The following ATP13A4 variants were observed in gnomAD, a reference collection of about 807,000 sequenced individuals.
ATP13A4 encodes probable cation-transporting ATPase 13A4.
ATP13A4 carries 114 observed loss-of-function variants against 142.5 expected under a neutral mutation model. The ratio of observed to expected loss-of-function variants is 0.80; its 90% CI spans 0.69 to 0.93. The LOEUF is 0.93. Among genes scored for constraint, ATP13A4 ranks in the 40% least tolerant of loss-of-function variants. The probability of loss-of-function intolerance (pLI) is 0.00; values close to 1 mark genes in which losing one functional copy is unlikely to be tolerated. For missense variants in ATP13A4, 1,392 were observed against 1,454.0 expected (o/e 0.96, Z 0.69); for synonymous variants, 488 against 514.8 (o/e 0.95, Z 0.70).
chr3:193,546,425 G>A (rs968063455), intron 1 of ATP13A4, among the ~76,000 whole-genome samples: 1 of 152,124 alleles, frequency 6.6e-6, no homozygotes, highest in Non-Finnish European at 1.5e-5. Context: ...CTTCTCAGCT[G>A]CAGCACCCAA....
intron 2 of ATP13A4, among the ~76,000 whole-genome samples, chr3:193,569,549 T>C (rs1724214590): frequency 6.6e-6 from 1 of 152,122 alleles, no homozygotes; most frequent in Admixed American, 6.5e-5. Flanking sequence ...TTTTGTTTTT[T>C]GTTTTTTGTT....
intron 13 of ATP13A4, 27 bp from the exon 14 acceptor site, chr3:193,459,258 C>T: frequency 6.2e-7 from 1 of 1,613,858 alleles, no homozygotes; most frequent in Non-Finnish European, 8.5e-7. Context: ...AATGGGTTTC[C>T]ATTCCATCGC....
intron 25 of ATP13A4, among the ~76,000 whole-genome samples, chr3:193,418,628 C>T (rs1396703699): frequency 6.7e-6 from 1 of 149,652 alleles, no homozygotes; most frequent in Non-Finnish European, 1.5e-5. Context: ...AAAAGGTAAG[C>T]AAGAGGACCC....
chr3:193,463,424 TAAA>T (rs11336311), intron 12 of ATP13A4, among the ~76,000 whole-genome samples: 10 of 95,976 alleles, frequency 1.0e-4, no homozygotes, highest in East Asian at 6.1e-4. Flanking sequence ...TGCTATTTGG[TAAA>T]AAAAAAAAAA....
chr3:193,429,989 A>G (rs1715880935), intron 25 of ATP13A4, among the ~76,000 whole-genome samples: 1 of 152,122 alleles, frequency 6.6e-6, no homozygotes, highest in African/African-American at 2.4e-5. Flanking sequence ...AATATATGTT[A>G]ACAACATATA....
At chr3:193,564,386 A>C (rs1420571861) in intron 2 of ATP13A4, among the ~76,000 whole-genome samples, 1 of 152,244 alleles carries the variant, frequency 6.6e-6, no homozygotes, top group Non-Finnish European at 1.5e-5. Context: ...GGAACTTATG[A>C]AGATGTTTAT....
At chr3:193,499,971 G>A (rs1193867172) in intron 3 of ATP13A4, among the ~76,000 whole-genome samples, 1 of 152,160 alleles carries the variant, frequency 6.6e-6, no homozygotes, top group Non-Finnish European at 1.5e-5. Flanking sequence ...ATTTCTCACA[G>A]AGTGAGAAGA....
chr3:193,438,570 A>C lies in ATP13A4; in HGVS notation c.2577T>G (p.Ala859=), dbSNP rs150507166. 62 of 1,614,104 alleles carry C rather than the reference A, an allele frequency of 3.8e-5. No homozygotes were observed. The highest frequency in any genetic ancestry group is 1.6e-4 in the Middle Eastern group (1 of 6,062). Residue 859 remains alanine, a synonymous_variant, in exon 23 of 30, where the codon GCT becomes GCG. Coordinates refer to ENST00000342695, the MANE Select transcript of ATP13A4 (RefSeq NM_032279.4). ...GANDCGALKM[A]HVGISLSEQE... ...GCTCTGATAATGAGATGCCCACATG[A>C]GCCATTTTCAGAGCCTGAAAGCAAA...
At chr3:193,571,359 A>C (rs1165943667) in intron 2 of ATP13A4, among the ~76,000 whole-genome samples, 1 of 151,946 alleles carries the variant, frequency 6.6e-6, no homozygotes, top group Non-Finnish European at 1.5e-5. Flanking sequence ...AGAATAGATA[A>C]ATCTTCCGTA....
intron 1 of ATP13A4, among the ~76,000 whole-genome samples, chr3:193,585,619 A>T (rs1724652849): frequency 6.6e-6 from 1 of 152,118 alleles, no homozygotes; most frequent in Admixed American, 6.6e-5. Flanking sequence ...TATATGGTAC[A>T]TTCTTTTTTG....
chr3:193,478,457 C>G (rs553704677), intron 8 of ATP13A4, among the ~76,000 whole-genome samples: 2 of 151,982 alleles, frequency 1.3e-5, no homozygotes, highest in Non-Finnish European at 2.9e-5. Flanking sequence ...CAACTGATAA[C>G]ACAGAAACAC....
chr3:193,459,108 G>T lies in ATP13A4; in HGVS notation c.1647C>A (p.Asp549Glu). 1 of 1,614,206 alleles carries T rather than the reference G, an allele frequency of 6.2e-7. No individual in the cohort carries two copies. The highest frequency in any genetic ancestry group is 8.5e-7 in the Non-Finnish European group (1 of 1,180,034). ...LDGTIQGDPLDLKMFEATTWE... is the reference protein window; with the variant it reads ...LDGTIQGDPLELKMFEATTWE... ...AGGTGGTGGCTTCAAACATTTTGAG[G>T]TCCAGAGGGTCTCCCTGGATGGTCC... The change falls in exon 14 of 30, where the codon GAC becomes GAA. Residue 549 changes from aspartate (D) to glutamate (E), a missense_variant. Physicochemically the swap from Asp to Glu is conservative, Grantham distance 45. Transcript: ENST00000342695.
chr3:193,531,390 A>G (rs1722333402), intron 1 of ATP13A4, among the ~76,000 whole-genome samples: 1 of 134,676 alleles, frequency 7.4e-6, no homozygotes, highest in Non-Finnish European at 1.6e-5. Context: ...AGGAGGAGGT[A>G]GGGAGGGAAG....
intron 29 of ATP13A4, 101 bp from the exon 30 acceptor site, chr3:193,402,965 G>T (rs1714324513): frequency 9.5e-7 from 1 of 1,053,956 alleles, no homozygotes; most frequent in South Asian, 1.4e-5. Flanking sequence ...TGGTTGCTTA[G>T]ATCCAGCTTG....
At chr3:193,522,281 C>A (rs183492362) in intron 1 of ATP13A4, among the ~76,000 whole-genome samples, 2 of 152,318 alleles carry the variant, frequency 1.3e-5, no homozygotes, top group Non-Finnish European at 2.9e-5. Flanking sequence ...GAAGGTAAGA[C>A]CCTGCCCTGT....
At chr3:193,471,904 T>C (rs1718651323) in intron 8 of ATP13A4, among the ~76,000 whole-genome samples, 1 of 152,144 alleles carries the variant, frequency 6.6e-6, no homozygotes, top group Non-Finnish European at 1.5e-5. Context: ...CTCTGGGGTA[T>C]TGGATCCTAA....
intron 16 of ATP13A4, among the ~76,000 whole-genome samples, chr3:193,455,305 C>T (rs4686640): frequency 2.1e-5 from 3 of 141,138 alleles, no homozygotes; most frequent in Non-Finnish European, 4.5e-5. Flanking sequence ...TGCGCCACTG[C>T]ACTCCAGCCT....
intron 2 of ATP13A4, among the ~76,000 whole-genome samples, chr3:193,576,282 T>TTTTG (rs1724392832): frequency 1.5e-5 from 2 of 131,194 alleles, no homozygotes; most frequent in Non-Finnish European, 3.1e-5. Context: ...TTTTTTTTTT[T>TTTTG]GAGACGGAGT....
At chr3:193,419,635 C>T (rs565240102) in intron 25 of ATP13A4, among the ~76,000 whole-genome samples, 19 of 149,100 alleles carry the variant, frequency 1.3e-4, no homozygotes, top group African/African-American at 4.7e-4. Flanking sequence ...TGGCCGAGCT[C>T]GCAGTTGTGC....
Sources: gnomAD v4.1 joint callset for allele counts (sites outside exome capture counted in the v4.1 genomes callset) on GRCh38, gnomAD v4.1.1 for gene constraint, MANE v1.5 for transcripts, NCBI Gene and HGNC (gene_info 2026-07-23, HGNC 2026-07-21) for gene names.